Variants in ZNF232 observed in about 807,000 individuals in gnomAD.
ZNF232 encodes the protein zinc finger and SCAN domain-containing protein 11.
Under a neutral mutation model 25.2 loss-of-function variants are expected in ZNF232, and 25 were observed. The observed-to-expected ratio is 0.99, with a 90% CI of 0.72 to 1.39. ZNF232 has a LOEUF of 1.39. ZNF232 is among the 40% of genes most tolerant of loss of function. The pLI is 0.00. For missense variants in ZNF232, 519 were observed against 520.9 expected, an observed-to-expected ratio of 1.00 and a Z score of 0.04; for synonymous variants, 193 against 182.9, an observed-to-expected ratio of 1.06 and a Z score of -0.45.
At chr17:5,111,948 CTT>C, upstream of ZNF232, 1 of 1,412,318 alleles carries the variant, frequency 7.1e-7, no homozygotes, top group Non-Finnish European at 9.5e-7. Flanking sequence ...CGTTCGCGGA[CTT>C]TGGCCCAGGC....
chr17:5,111,650 C>A, intron 1 of ZNF232, 150 bp downstream of exon 1: 11 of 1,170,326 alleles, frequency 9.4e-6, no homozygotes, highest in Non-Finnish European at 1.3e-5. Flanking sequence ...GGTAGCGCAG[C>A]GCGGGCACCA....
At chr17:5,116,811 C>T (rs1390967728), upstream of ZNF232, 1 of 152,248 alleles carries the variant, frequency 6.6e-6, no homozygotes, top group Non-Finnish European at 1.5e-5. Flanking sequence ...AACAGTTGCA[C>T]TCACTGAGGT....
intron 1 of ZNF232, chr17:5,111,323 T>C: frequency 5.9e-6 from 1 of 170,200 alleles, no homozygotes; most frequent in Non-Finnish European, 1.2e-5. Context: ...TGAGATTTTA[T>C]TTTCCTTTCA....
intron 1 of ZNF232, among the ~76,000 whole-genome samples, chr17:5,117,244 G>A (rs375935042): frequency 2.0e-5 from 3 of 152,196 alleles, no homozygotes; most frequent in African/African-American, 7.2e-5. Context: ...AAGCCTGGGC[G>A]AGGGGGCTCA....
At chr17:5,117,835 C>G (rs1206647003) in intron 1 of ZNF232, among the ~76,000 whole-genome samples, 2 of 152,116 alleles carry the variant, frequency 1.3e-5, no homozygotes, top group African/African-American at 4.8e-5. Flanking sequence ...TGGCTCACAC[C>G]TGTAATCCCA....
rs753341481 is a variant in ZNF232, at chr17:5,106,075, T to C, written c.1057A>G (p.Asn353Asp). The change falls in exon 4 of 4, where the codon AAT (asparagine) becomes GAT (aspartate). Residue 353 changes from asparagine (N) to aspartate (D), a missense_variant. Asn to Asp is a conservative substitution (Grantham distance 23). Coordinates refer to ENST00000575898, the Ensembl canonical transcript of ZNF232. ...CATCTGAAGGCCTTCCCACATTCAT[T>C]ACATTCGAAGGGTTTCTCTCCTGTA... The C allele has an allele frequency of 3.7e-6, 6 of 1,614,116 alleles. No individual in the cohort carries two copies. In the Admixed American group the frequency reaches 6.7e-5, roughly 18 times the overall value.
upstream of ZNF232, among the ~76,000 whole-genome samples, chr17:5,116,026 C>T (rs2072527301): frequency 6.6e-6 from 1 of 152,250 alleles, no homozygotes; most frequent in African/African-American, 2.4e-5. Context: ...GGAGGCCAGG[C>T]AGAGGGGACA....
intron 1 of ZNF232, chr17:5,122,934 C>CGGAGCCAGTGGAGG (rs1567768319): frequency 6.6e-6 from 1 of 152,430 alleles, no homozygotes; most frequent in East Asian, 1.9e-4. Context: ...ACCGCCAAGC[C>CGGAGCCAGTGGAGG]GGAGCCAGTG....
chr17:5,119,163 G>C (rs2072597122), intron 1 of ZNF232, among the ~76,000 whole-genome samples: 1 of 152,156 alleles, frequency 6.6e-6, no homozygotes, highest in Non-Finnish European at 1.5e-5. Context: ...TCCTCAAAGA[G>C]ATTATCAGAC....
At chr17:5,105,738 A>G in exon 4 of ZNF232, 1 of 1,299,906 alleles carries the variant, frequency 7.7e-7, no homozygotes, top group Non-Finnish European at 1.0e-6. Context: ...GAAAAATCTT[A>G]AGGAACTTAT....
upstream of ZNF232, chr17:5,113,295 AC>A (rs1169697155): frequency 6.6e-6 from 1 of 152,238 alleles, no homozygotes; most frequent in Non-Finnish European, 1.5e-5. Flanking sequence ...CGTGTCTAGA[AC>A]TATGCCAGGA....
chr17:5,119,738 G>C (rs1192589101), intron 1 of ZNF232, among the ~76,000 whole-genome samples: 4 of 152,170 alleles, frequency 2.6e-5, no homozygotes, highest in Non-Finnish European at 5.9e-5. Context: ...AATAGTGATA[G>C]TCATTAAAAC....
chr17:5,107,648 C>T (rs756871305), intron 3 of ZNF232, among the ~76,000 whole-genome samples: 2 of 150,166 alleles, frequency 1.3e-5, no homozygotes, highest in Admixed American at 1.3e-4. Context: ...AAGTGATTCT[C>T]GTGCCTCAGC....
At chr17:5,115,555 A>ACACACAC (rs2072512102), upstream of ZNF232, among the ~76,000 whole-genome samples, 6 of 148,664 alleles carry the variant, frequency 4.0e-5, no homozygotes, top group African/African-American at 5.0e-5. Flanking sequence ...CGTCTCCAAA[A>ACACACAC]ACACACACAC....
chr17:5,108,797 G>T, intron 3 of ZNF232, 129 bp downstream of exon 3: 1 of 1,428,268 alleles, frequency 7.0e-7, no homozygotes, highest in Non-Finnish European at 9.5e-7. Flanking sequence ...TAAGAGATAA[G>T]AATAGTAAGG....
intron 2 of ZNF232, 153 bp from the exon 3 acceptor site, chr17:5,109,205 GA>G: frequency 7.9e-7 from 1 of 1,271,814 alleles, no homozygotes; most frequent in Non-Finnish European, 1.1e-6. Context: ...CACAAGGGAA[GA>G]AGAGGAGCTA....
At chr17:5,109,625 C>A (rs200290273) in exon 2 of ZNF232, 1 of 1,614,240 alleles carries the variant, frequency 6.2e-7, no homozygotes, top group East Asian at 2.2e-5. Flanking sequence ...GACCAGGAGT[C>A]TCCTGGTAGC....
chr17:5,106,964 C>T (rs2072274523), intron 3 of ZNF232, among the ~76,000 whole-genome samples: 1 of 152,118 alleles, frequency 6.6e-6, no homozygotes, highest in Admixed American at 6.5e-5. Context: ...CCATCCGTTT[C>T]CCAGCTGCAT....
intron 1 of ZNF232, among the ~76,000 whole-genome samples, chr17:5,118,454 G>T (rs1399222564): frequency 6.6e-6 from 1 of 152,268 alleles, no homozygotes; most frequent in Non-Finnish European, 1.5e-5. Flanking sequence ...CTGCGGTGCT[G>T]CCCAAGTGGG....
Sources: allele counts gnomAD v4.1 joint callset (sites outside exome capture counted in the v4.1 genomes callset), GRCh38; gene constraint gnomAD v4.1.1; transcripts MANE v1.5; gene names NCBI Gene and HGNC (gene_info 2026-07-23, HGNC 2026-07-21).